GMDS: variants seen among roughly 807,000 people sequenced by gnomAD.
GMDS encodes the protein GDP-mannose 4,6-dehydratase.
A neutral mutation model predicts 49.9 loss-of-function variants in GMDS; 20 were observed. That is an observed-to-expected ratio of 0.40 (90% confidence interval 0.28 to 0.58). The LOEUF (loss-of-function observed/expected upper bound fraction) is 0.58. Ranked by LOEUF, GMDS falls within the 20% of genes least tolerant of loss-of-function variation. GMDS has a pLI of 0.42. For missense variants in GMDS, 362 were observed against 481.4 expected (o/e 0.75, Z 2.32); for synonymous variants, 177 against 178.6 (o/e 0.99, Z 0.07).
At chr6:1,910,829 T>C (rs1761015147) in intron 7 of GMDS, among the ~76,000 whole-genome samples, 1 of 152,214 alleles carries the variant, frequency 6.6e-6, no homozygotes. Flanking sequence ...GCCAATGCCC[T>C]CCAGGAAATG....
At chr6:2,233,003 T>A (rs965019942) in intron 1 of GMDS, among the ~76,000 whole-genome samples, 1 of 152,086 alleles carries the variant, frequency 6.6e-6, no homozygotes, top group Admixed American at 6.5e-5. Context: ...AAGGAGGGGA[T>A]GGGGAGTGAC....
At chr6:1,687,175 G>A (rs927247451) in intron 9 of GMDS, among the ~76,000 whole-genome samples, 2 of 152,118 alleles carry the variant, frequency 1.3e-5, no homozygotes, top group South Asian at 2.1e-4. Flanking sequence ...CAAGGTTCAC[G>A]AACCTTCTCA....
At chr6:1,684,649 G>A (rs983248836) in intron 9 of GMDS, among the ~76,000 whole-genome samples, 1 of 152,188 alleles carries the variant, frequency 6.6e-6, no homozygotes, top group Non-Finnish European at 1.5e-5. Context: ...GACCAGAAAA[G>A]GGGCGGTGTT....
intron 4 of GMDS, among the ~76,000 whole-genome samples, chr6:1,989,355 C>T (rs746969727): frequency 5.9e-5 from 9 of 152,080 alleles, no homozygotes; most frequent in African/African-American, 2.2e-4. Flanking sequence ...TACATCAGAA[C>T]AGCTAGGCTG....
chr6:1,698,146 G>A (rs1363241429), intron 9 of GMDS, among the ~76,000 whole-genome samples: 6 of 152,172 alleles, frequency 3.9e-5, no homozygotes, highest in East Asian at 1.9e-4. Context: ...CTCTGGGGCC[G>A]GACTCCAGTA....
At chr6:1,793,107 A>C (rs1769605538) in intron 7 of GMDS, among the ~76,000 whole-genome samples, 1 of 151,984 alleles carries the variant, frequency 6.6e-6, no homozygotes, top group Admixed American at 6.6e-5. Context: ...ATCTACACTC[A>C]CTGCAATAGT....
intron 7 of GMDS, among the ~76,000 whole-genome samples, chr6:1,904,867 G>A (rs1431290471): frequency 2.6e-5 from 4 of 152,202 alleles, no homozygotes; most frequent in African/African-American, 7.2e-5. Flanking sequence ...CCTGTCCCCA[G>A]TGTCACATGG....
In GMDS at chr6:2,079,336, A is replaced by G. The variant is rs149171440; in HGVS notation, c.345+36435T>C. On this transcript the variant is annotated intron_variant, in intron 4 of 10. Transcript: ENST00000380815. ...TATTGTTATTGTTTTCTGGTTTTATATACTCTTCATTCCTTTCTTTTTCAC... is the reference window on the plus strand; with the variant it reads ...TATTGTTATTGTTTTCTGGTTTTATGTACTCTTCATTCCTTTCTTTTTCAC... Among the ~76,000 whole-genome samples the G allele has an allele frequency of 1.6e-4, 25 of 151,882 alleles. No homozygotes were observed. In the South Asian group the frequency reaches 5.0e-3, roughly 30 times the overall value.
At chr6:1,625,326 C>T (rs1031606388) in intron 9 of GMDS, 1 of 152,254 alleles carries the variant, frequency 6.6e-6, no homozygotes, top group Non-Finnish European at 1.5e-5. Flanking sequence ...TTCTATTCTA[C>T]CCCTATTCTA....
intron 4 of GMDS, among the ~76,000 whole-genome samples, chr6:2,010,387 C>G (rs1186709464): frequency 6.6e-6 from 1 of 150,470 alleles, no homozygotes; most frequent in African/African-American, 2.4e-5. Flanking sequence ...ATCAAATTAC[C>G]CTAAGCTAGT....
chr6:2,161,697 C>T (rs1777407903), intron 1 of GMDS, among the ~76,000 whole-genome samples: 1 of 152,180 alleles, frequency 6.6e-6, no homozygotes, highest in Non-Finnish European at 1.5e-5. Flanking sequence ...AGAACAAGGA[C>T]CTACGTGGGG....
At chr6:1,708,030 A>C (rs1765800955) in intron 9 of GMDS, among the ~76,000 whole-genome samples, 1 of 152,208 alleles carries the variant, frequency 6.6e-6, no homozygotes, top group African/African-American at 2.4e-5. Flanking sequence ...GAGTAAGGTA[A>C]GGTATAAATA....
chr6:2,100,222 A>G (rs1276582886), intron 4 of GMDS, among the ~76,000 whole-genome samples: 2 of 152,134 alleles, frequency 1.3e-5, no homozygotes, highest in Non-Finnish European at 1.5e-5. Context: ...AATCAAAAAT[A>G]TAAATCAATG....
At chr6:1,670,392 AC>A (rs1764382437) in intron 9 of GMDS, among the ~76,000 whole-genome samples, 1 of 148,684 alleles carries the variant, frequency 6.7e-6, no homozygotes, top group Non-Finnish European at 1.5e-5. Context: ...TTTCACCTGC[AC>A]TAAAAATGAG....
intron 7 of GMDS, among the ~76,000 whole-genome samples, chr6:1,920,975 T>A (rs1707228191): frequency 6.6e-6 from 1 of 152,230 alleles, no homozygotes; most frequent in African/African-American, 2.4e-5. Context: ...GGTCACTTCA[T>A]GATCTGCAAT....
At chr6:1,883,047 C>A (rs2113826849) in intron 7 of GMDS, among the ~76,000 whole-genome samples, 2 of 152,268 alleles carry the variant, frequency 1.3e-5, no homozygotes, top group South Asian at 4.1e-4. Context: ...ACTCTTTTTG[C>A]ATATGTACAA....
chr6:1,958,977 AG>A (rs1227041355), intron 6 of GMDS, among the ~76,000 whole-genome samples: 2 of 152,226 alleles, frequency 1.3e-5, no homozygotes, highest in Non-Finnish European at 2.9e-5. Context: ...CAAGAGAACT[AG>A]CACGTTGCTA....
chr6:1,731,292 A>T lies in GMDS; in HGVS notation c.891-4780T>A, dbSNP rs140662648. Among the ~76,000 whole-genome samples the T allele has an allele frequency of 4.3e-3, 657 of 152,348 alleles. 4 individuals carry two copies. The highest frequency in any genetic ancestry group is 0.015 in the African/African-American group (629 of 41,568). On this transcript the variant is annotated intron_variant, in intron 8 of 10. Coordinates refer to ENST00000380815, the MANE Select transcript of GMDS (RefSeq NM_001500.4). ...CAGGATTTCCAGAAAGAGAGTACAG[A>T]AAAAATGGAGCAGAGCAAACAACTC...
At chr6:2,171,619 CA>C (rs1305075739) in intron 1 of GMDS, among the ~76,000 whole-genome samples, 1 of 152,094 alleles carries the variant, frequency 6.6e-6, no homozygotes, top group Admixed American at 6.6e-5. Context: ...ATAAAACTAA[CA>C]AAATTGTGCT....
Sources: gnomAD v4.1 joint callset for allele counts (sites outside exome capture counted in the v4.1 genomes callset) on GRCh38, gnomAD v4.1.1 for gene constraint, MANE v1.5 for transcripts, NCBI Gene and HGNC (gene_info 2026-07-23, HGNC 2026-07-21) for gene names.